The following CRB2 variants were observed in gnomAD, a reference collection of about 807,000 sequenced individuals.
CRB2 encodes protein crumbs homolog 2.
In CRB2, 85 loss-of-function variants were observed where a neutral mutation model predicts 110.9. The ratio of observed to expected loss-of-function variants is 0.77; its 90% confidence interval spans 0.64 to 0.92. The LOEUF is 0.92. Among genes scored for constraint, CRB2 ranks in the 40% least tolerant of loss-of-function variants. The pLI is 0.00. For synonymous variants in CRB2, 907 were observed against 831.0 expected (o/e 1.09, Z -1.57); for missense variants, 1,843 against 1,851.3 (o/e 1.00, Z 0.08).
Position 123,356,335 on chromosome 9 carries a change from T to C in CRB2, c.75T>C (p.Pro25=). 6.5e-7 allele frequency: 1 copy of C among 1,544,928 alleles called. No homozygotes were observed. Among genetic ancestry groups the C allele is most frequent in the Non-Finnish European group, 8.7e-7 (1 of 1,144,238 alleles). The change falls in exon 1 of 13, where the codon CCT becomes CCC. Residue 25 remains proline, a synonymous_variant. Coordinates refer to ENST00000373631, the MANE Select transcript of CRB2 (RefSeq NM_173689.7). Reference sequence around the variant, plus strand: ...TCCTGCTACTGCTGCTCTGGGCCCCTGCCCTTTCCCTCCTGGCTGGTGAGT... The same window carrying C: ...TCCTGCTACTGCTGCTCTGGGCCCCCGCCCTTTCCCTCCTGGCTGGTGAGT... The part of the protein sequence containing the change: ...ASVLLLLLWA[P]ALSLLAGTVP...
Position 123,373,627 on chromosome 9 carries a change from C to T in CRB2, c.3096C>T (p.Gly1032=), listed in dbSNP as rs767876999. ...TGCCCTTGGCGCGGCCCCGGCCCGG[C>T]GCGGCCCCTGGCGCCCGAGAGCACT... ...LPLPLARPRP[G]AAPGAREHFA... Residue 1032 remains glycine, a synonymous_variant, in exon 10 of 13, where the codon GGC becomes GGT. Coordinates refer to ENST00000373631, the MANE Select transcript of CRB2 (RefSeq NM_173689.7). 3.7e-6 allele frequency: 5 copies of T among 1,366,834 alleles called. No homozygotes were observed. The highest frequency in any genetic ancestry group is 3.7e-6 in the Non-Finnish European group (4 of 1,068,194). The allele number at this position is 1,366,834 out of a possible 1,614,324, so 84.7% of individuals were successfully genotyped here.
At chr9:123,361,996 C>T (rs935748226) in intron 1 of CRB2, among the ~76,000 whole-genome samples, 10 of 152,206 alleles carry the variant, frequency 6.6e-5, no homozygotes, top group Non-Finnish European at 1.0e-4. Context: ...GTGCTGGAAG[C>T]ATCATGGTGG....
chr9:123,371,279 C>A lies in CRB2; in HGVS notation c.2137C>A (p.Pro713Thr), dbSNP rs2042012394. 6.2e-7 allele frequency: 1 copy of A among 1,613,858 alleles called. No homozygotes were observed. Among genetic ancestry groups the A allele is most frequent in the Non-Finnish European group, 8.5e-7 (1 of 1,179,968 alleles). Residue 713 changes from proline to threonine, a missense_variant, in exon 8 of 13, where the codon CCT becomes ACT. Pro to Thr is a conservative substitution (Grantham distance 38). Coordinates refer to ENST00000373631, the MANE Select transcript of CRB2 (RefSeq NM_173689.7). ...GRIRAEVPGSPAVVLPGRWDD... is the reference protein window; with the variant it reads ...GRIRAEVPGSTAVVLPGRWDD... ...GATCCGGGCTGAGGTGCCGGGCAGTCCTGCTGTAGTGCTCCCTGGGCGCTG... is the reference window on the plus strand; with the variant it reads ...GATCCGGGCTGAGGTGCCGGGCAGTACTGCTGTAGTGCTCCCTGGGCGCTG...
At chr9:123,365,792 C>A in intron 2 of CRB2, 125 bp from the exon 3 acceptor site, 1 of 893,708 alleles carries the variant, frequency 1.1e-6, no homozygotes, top group Non-Finnish European at 1.6e-6. Flanking sequence ...CAACCACCAC[C>A]ACCACCATCC....
chr9:123,357,118 CAT>C (rs2041808902), intron 1 of CRB2, among the ~76,000 whole-genome samples: 2 of 152,036 alleles, frequency 1.3e-5, no homozygotes, highest in African/African-American at 2.4e-5. Flanking sequence ...GATTTGGGAA[CAT>C]GTGTGTGTCC....
chr9:123,363,552 T>G (rs970967389), intron 2 of CRB2, among the ~76,000 whole-genome samples: 1 of 152,114 alleles, frequency 6.6e-6, no homozygotes, highest in Non-Finnish European at 1.5e-5. Context: ...TTCTAGCACT[T>G]CAGGCCTGTG....
At chr9:123,374,048 A>G in intron 10 of CRB2, 128 bp downstream of exon 10, 1 of 1,162,126 alleles carries the variant, frequency 8.6e-7, no homozygotes. Flanking sequence ...CTGTGACATG[A>G]GGAGGACAGT....
chr9:123,372,072 ACT>A (rs1445502888), intron 8 of CRB2, 103 bp from the exon 9 acceptor site: 1 of 1,110,144 alleles, frequency 9.0e-7, no homozygotes, highest in Non-Finnish European at 1.3e-6. Flanking sequence ...GTGAGGAGAT[ACT>A]GTGTCTGTAG....
In CRB2 at chr9:123,371,518, G is replaced by T. The variant is rs75370841; in HGVS notation, c.2376G>T (p.Glu792Asp). Residue 792 changes from glutamate (E) to aspartate (D), a missense_variant, in exon 8 of 13, where the codon GAG becomes GAT. Coordinates refer to ENST00000373631, the MANE Select transcript of CRB2 (RefSeq NM_173689.7). ...TGGATAACTCAAGCCAGCCCAGCGAGCTCGGCGGCAGGCAGTCCTGGAACC... is the reference window on the plus strand; with the variant it reads ...TGGATAACTCAAGCCAGCCCAGCGATCTCGGCGGCAGGCAGTCCTGGAACC... ...LPLDNSSQPS[E>D]LGGRQSWNLT... The T allele has an allele frequency of 1.4e-3, 2,209 of 1,613,186 alleles. 25 individuals are homozygous for T. In the African/African-American group the frequency reaches 0.027, roughly 20 times the overall value.
At chr9:123,357,291 G>T (rs1036012273) in intron 1 of CRB2, among the ~76,000 whole-genome samples, 89 of 152,102 alleles carry the variant, frequency 5.9e-4, no homozygotes, top group Non-Finnish European at 1.9e-4. Flanking sequence ...TATAGTTACA[G>T]GGGCCGGGCC....
chr9:123,375,483 G>C (rs1230709634), intron 12 of CRB2, 140 bp downstream of exon 12: 2 of 1,034,482 alleles, frequency 1.9e-6, no homozygotes, highest in Non-Finnish European at 2.6e-6. Flanking sequence ...GGAGCCTCAG[G>C]TCCCTTCCAC....
intron 9 of CRB2, 74 bp downstream of exon 9, chr9:123,372,416 CAG>C: frequency 6.6e-7 from 1 of 1,509,648 alleles, no homozygotes; most frequent in South Asian, 1.3e-5. Flanking sequence ...TCTGCACTCT[CAG>C]GGCTTGTAGG....
At chr9:123,356,403 C>A in intron 1 of CRB2, 49 bp downstream of exon 1, 2 of 1,399,132 alleles carry the variant, frequency 1.4e-6, no homozygotes, top group Non-Finnish European at 1.9e-6. Flanking sequence ...GTCTGTCCCC[C>A]AAGACAGATA....
intron 6 of CRB2, among the ~76,000 whole-genome samples, chr9:123,368,058 G>C (rs2041962604): frequency 6.6e-6 from 1 of 152,096 alleles, no homozygotes; most frequent in African/African-American, 2.4e-5. Context: ...GCTGGGGCCT[G>C]TCAGGCAGGA....
intron 1 of CRB2, 35 bp from the exon 2 acceptor site, chr9:123,362,830 G>A: frequency 1.3e-6 from 2 of 1,537,412 alleles, no homozygotes; most frequent in Non-Finnish European, 1.8e-6. Context: ...TGTAACCTCT[G>A]CCCACCCTGC....
intron 9 of CRB2, 78 bp downstream of exon 9, chr9:123,372,420 G>C: frequency 6.7e-7 from 1 of 1,499,876 alleles, no homozygotes; most frequent in Non-Finnish European, 8.9e-7. Context: ...CACTCTCAGG[G>C]CTTGTAGGAT....
intron 9 of CRB2, 124 bp from the exon 10 acceptor site, chr9:123,373,010 A>T (rs967656149): frequency 2.7e-6 from 2 of 734,628 alleles, no homozygotes; most frequent in East Asian, 6.7e-5. Context: ...GGATTAGATG[A>T]TAGGTGGGTG....
Position 123,370,591 on chromosome 9 carries a change from C to T in CRB2, c.1538C>T (p.Ala513Val). The T allele has an allele frequency of 1.2e-6, 2 of 1,613,008 alleles. No individual in the cohort carries two copies. Among genetic ancestry groups the T allele is most frequent in the Non-Finnish European group, 1.7e-6 (2 of 1,180,016 alleles). ...CTTGTCCTGAGACTGCCGGACCTGG[C>T]CCTAAACGATGGCCATTGGCACCAG... ...TVLVLRLPDL[A>V]LNDGHWHQVE... is the part of the protein sequence containing the mutation. The change falls in exon 7 of 13, where the codon GCC becomes GTC. Residue 513 changes from alanine to valine, a missense_variant. Transcript: ENST00000373631.
At position 123,363,122 on chromosome 9, in the gene CRB2, C is replaced by T. The variant is rs1376875285; in HGVS notation, c.352C>T (p.His118Tyr). 1.2e-6 allele frequency: 2 copies of T among 1,610,584 alleles called. No individual in the cohort carries two copies. The highest frequency in any genetic ancestry group is 1.7e-5 in the Admixed American group (1 of 59,954). The change falls in exon 2 of 13, where the codon CAC (histidine) becomes TAC (tyrosine). Residue 118 changes from histidine to tyrosine, a missense_variant. Transcript: ENST00000373631. ...CGATGAGTGTGCATCCCGGCCGTGC[C>T]ACCATGGGGCCACCTGCCGCAACCT... ...DIDECASRPC[H>Y]HGATCRNLAD...
Sources: allele counts gnomAD v4.1 joint callset (sites outside exome capture counted in the v4.1 genomes callset), GRCh38; gene constraint gnomAD v4.1.1; transcripts MANE v1.5; gene names NCBI Gene and HGNC (gene_info 2026-07-23, HGNC 2026-07-21).